Variants in PRKCE observed in about 807,000 individuals in gnomAD.
PRKCE encodes the protein protein kinase C epsilon.
PRKCE carries 16 observed loss-of-function variants against 85.4 expected under a neutral mutation model. That is an observed-to-expected ratio of 0.19 (90% CI 0.13 to 0.28). The LOEUF is 0.28. Ranked by LOEUF, PRKCE falls within the 10% of genes least tolerant of loss-of-function variation. The pLI, the probability that PRKCE is intolerant of heterozygous loss-of-function variation, is 1.00. For synonymous variants in PRKCE, 388 were observed against 371.5 expected (o/e 1.04, Z -0.51); for missense variants, 573 against 975.2 (o/e 0.59, Z 5.49).
At chr2:45,741,067 T>G (rs529948482) in intron 1 of PRKCE, among the ~76,000 whole-genome samples, 4 of 152,228 alleles carry the variant, frequency 2.6e-5, no homozygotes, top group African/African-American at 9.6e-5. Flanking sequence ...TGCTCACCAG[T>G]TGCTAAAATT....
chr2:46,128,874 C>G (rs1477290110), intron 11 of PRKCE, among the ~76,000 whole-genome samples: 2 of 152,116 alleles, frequency 1.3e-5, no homozygotes, highest in African/African-American at 4.8e-5. Context: ...TCTGGTCCTG[C>G]TCGTGGGCAC....
intron 10 of PRKCE, among the ~76,000 whole-genome samples, chr2:46,062,933 C>A (rs978378574): frequency 3.3e-5 from 5 of 152,176 alleles, no homozygotes; most frequent in Non-Finnish European, 7.3e-5. Flanking sequence ...CCGGCCTCAG[C>A]TTATTAATGT....
chr2:45,794,246 A>C (rs1573382239), intron 1 of PRKCE, among the ~76,000 whole-genome samples: 1 of 152,142 alleles, frequency 6.6e-6, no homozygotes, highest in Non-Finnish European at 1.5e-5. Flanking sequence ...GCGATTGCTC[A>C]TGTGGATCCT....
intron 2 of PRKCE, among the ~76,000 whole-genome samples, chr2:45,917,922 C>A (rs556264275): frequency 6.6e-6 from 1 of 152,294 alleles, no homozygotes; most frequent in East Asian, 1.9e-4. Context: ...CGGTGCTAAG[C>A]CCCTCATTGC....
intron 10 of PRKCE, among the ~76,000 whole-genome samples, chr2:46,066,185 C>A (rs989038284): frequency 6.6e-6 from 1 of 152,126 alleles, no homozygotes; most frequent in Admixed American, 6.5e-5. Context: ...TGGCCCTGTA[C>A]AATATCAGGT....
chr2:45,998,604 T>C (rs540066950), intron 6 of PRKCE, among the ~76,000 whole-genome samples: 5 of 152,336 alleles, frequency 3.3e-5, no homozygotes, highest in African/African-American at 1.2e-4. Context: ...TTTGATCCAC[T>C]CTAACAATCT....
At chr2:45,979,475 A>C (rs1313304149) in intron 4 of PRKCE, among the ~76,000 whole-genome samples, 1 of 152,190 alleles carries the variant, frequency 6.6e-6, no homozygotes, top group Non-Finnish European at 1.5e-5. Context: ...TGGCTGTGTG[A>C]TCATTAGCTC....
chr2:45,920,192 A>G (rs957162584), intron 2 of PRKCE, among the ~76,000 whole-genome samples: 18 of 152,226 alleles, frequency 1.2e-4, no homozygotes, highest in African/African-American at 4.3e-4. Flanking sequence ...AGAAAAATGT[A>G]TCTTAAGGTC....
At chr2:46,049,670 A>G (rs1420615421) in intron 10 of PRKCE, among the ~76,000 whole-genome samples, 1 of 152,148 alleles carries the variant, frequency 6.6e-6, no homozygotes, top group Non-Finnish European at 1.5e-5. Context: ...CATGAAGGTC[A>G]CCAGAGGGGC....
At chr2:45,970,755 TTTG>T (rs1471989813) in intron 2 of PRKCE, among the ~76,000 whole-genome samples, 1 of 151,972 alleles carries the variant, frequency 6.6e-6, no homozygotes, top group African/African-American at 2.4e-5. Flanking sequence ...GCTGAATGTC[TTTG>T]TTCTTAGGAG....
chr2:46,011,968 T>G (rs562080860), intron 10 of PRKCE, among the ~76,000 whole-genome samples: 43 of 152,330 alleles, frequency 2.8e-4, no homozygotes, highest in African/African-American at 9.6e-4. Flanking sequence ...GAGACCACTA[T>G]TTAATAGGAA....
chr2:45,945,800 T>A (rs1700205665), intron 2 of PRKCE, among the ~76,000 whole-genome samples: 1 of 152,236 alleles, frequency 6.6e-6, no homozygotes, highest in Non-Finnish European at 1.5e-5. Context: ...GCTGTCTGTC[T>A]TTATACAACC....
At chr2:45,891,976 G>A (rs1695755832) in intron 2 of PRKCE, among the ~76,000 whole-genome samples, 1 of 152,188 alleles carries the variant, frequency 6.6e-6, no homozygotes, top group Non-Finnish European at 1.5e-5. Context: ...CAACACGGTG[G>A]CTCAAATCTA....
intron 2 of PRKCE, among the ~76,000 whole-genome samples, chr2:45,875,882 A>G (rs529305201): frequency 5.3e-4 from 81 of 152,232 alleles, no homozygotes; most frequent in Non-Finnish European, 9.3e-4. Flanking sequence ...CTTTTCCTAA[A>G]GTGCTAGGCA....
At chr2:45,766,831 G>C (rs1684951018) in intron 1 of PRKCE, among the ~76,000 whole-genome samples, 1 of 152,220 alleles carries the variant, frequency 6.6e-6, no homozygotes, top group South Asian at 2.1e-4. Flanking sequence ...CCTGAGCTCA[G>C]GGGTTCGAGA....
At chr2:45,713,017 T>TCAA (rs1400670766) in intron 1 of PRKCE, among the ~76,000 whole-genome samples, 4 of 152,230 alleles carry the variant, frequency 2.6e-5, no homozygotes, top group Admixed American at 2.6e-4. Flanking sequence ...GCATCATGAT[T>TCAA]CAAAAGCTCT....
chr2:45,910,710 A>G (rs942399479), intron 2 of PRKCE, among the ~76,000 whole-genome samples: 1 of 152,026 alleles, frequency 6.6e-6, no homozygotes, highest in Non-Finnish European at 1.5e-5. Context: ...ACTATTTCCT[A>G]CCTATTGGAG....
At chr2:45,989,874 A>C (rs921860603) in intron 6 of PRKCE, among the ~76,000 whole-genome samples, 1 of 152,172 alleles carries the variant, frequency 6.6e-6, no homozygotes, top group African/African-American at 2.4e-5. Context: ...TTAGATATAT[A>C]TTAAAAATAT....
Position 46,064,949 on chromosome 2 carries a change from G to A in PRKCE, c.1438-21259G>A, listed in dbSNP as rs374929347. 5.3e-4 allele frequency among the ~76,000 whole-genome samples: 81 copies of A among 152,346 alleles called. No homozygotes were observed. The South Asian group carries it at 0.015, about 29-fold the overall frequency. The stretch of plus-strand genomic sequence containing the variant: ...CACCAAGCCCAAGCTTTCTGTAGAT[G>A]TGGCTCCCCATTTTCAACTAGAAGA... On this transcript the variant is annotated intron_variant, in intron 10 of 14. Coordinates refer to ENST00000306156, the MANE Select transcript of PRKCE (RefSeq NM_005400.3).
Sources: allele counts gnomAD v4.1 joint callset (sites outside exome capture counted in the v4.1 genomes callset), GRCh38; gene constraint gnomAD v4.1.1; transcripts MANE v1.5; gene names NCBI Gene and HGNC (gene_info 2026-07-23, HGNC 2026-07-21).